Variants in CDH13 observed in about 807,000 individuals in gnomAD.
The protein encoded by CDH13 is cadherin 13.
Under a neutral mutation model 63.8 loss-of-function variants are expected in CDH13, and 24 were observed. That is an observed-to-expected ratio of 0.38 (90% CI 0.27 to 0.53). CDH13 has a LOEUF of 0.53. Ranked by LOEUF, CDH13 falls within the 20% of genes least tolerant of loss-of-function variation. The pLI is 0.85. For synonymous variants in CDH13, 503 were observed against 355.3 expected (o/e 1.42, Z -4.67); for missense variants, 1,049 against 903.1 (o/e 1.16, Z -2.07).
At chr16:83,595,472 A>T (rs1307331178) in intron 7 of CDH13, among the ~76,000 whole-genome samples, 4 of 152,234 alleles carry the variant, frequency 2.6e-5, no homozygotes, top group African/African-American at 7.2e-5. Flanking sequence ...AAAATGGGAC[A>T]CATAGCCTTC....
intron 2 of CDH13, among the ~76,000 whole-genome samples, chr16:82,919,401 C>A (rs1253246822): frequency 1.3e-5 from 2 of 152,084 alleles, no homozygotes; most frequent in East Asian, 1.9e-4. Flanking sequence ...CTGTTGTTTC[C>A]CCTTTGTGTC....
chr16:83,200,124 G>C (rs2038983220), intron 4 of CDH13, among the ~76,000 whole-genome samples: 1 of 152,132 alleles, frequency 6.6e-6, no homozygotes. Context: ...TCAAGCTTCA[G>C]ACTCAGAGTC....
chr16:83,776,940 C>G (rs529221351), intron 11 of CDH13, among the ~76,000 whole-genome samples: 1 of 131,064 alleles, frequency 7.6e-6, no homozygotes, highest in African/African-American at 3.1e-5. Context: ...CTAACTCAGC[C>G]TGGGCACTTC....
In CDH13 at chr16:82,929,182, T is replaced by G. The variant is rs1234645510; in HGVS notation, c.157+70709T>G. Among the ~76,000 whole-genome samples, 7 of 152,294 alleles carry G rather than the reference T, an allele frequency of 4.6e-5. No homozygotes were observed. The East Asian group carries it at 1.4e-3, about 29-fold the overall frequency. ...TATAGCATATATCATAGAAGGAATGTTTGTGCTCCCCAGAATTCATATTTT... is the reference window on the plus strand; with the variant it reads ...TATAGCATATATCATAGAAGGAATGGTTGTGCTCCCCAGAATTCATATTTT... On this transcript the variant is annotated intron_variant, in intron 2 of 13. Coordinates refer to ENST00000567109, the MANE Select transcript of CDH13 (RefSeq NM_001257.5).
chr16:82,829,151 T>C (rs2038405132), intron 1 of CDH13: 1 of 152,186 alleles, frequency 6.6e-6, no homozygotes, highest in South Asian at 2.1e-4. Context: ...TCATTCTGGG[T>C]TGGCAATATA....
chr16:82,758,240 C>T lies in CDH13; in HGVS notation c.46-100122C>T, dbSNP rs147572444. ...TGAGCTATGAGAAAAAAAAGGGACACGGGCTATGTTGAAGTAACAGGAATT... is the reference window on the plus strand; with the variant it reads ...TGAGCTATGAGAAAAAAAAGGGACATGGGCTATGTTGAAGTAACAGGAATT... On this transcript the variant is annotated intron_variant, in intron 1 of 13. Coordinates refer to ENST00000567109, the MANE Select transcript of CDH13 (RefSeq NM_001257.5). Among the ~76,000 whole-genome samples, 18 of 152,158 alleles carry T rather than the reference C, an allele frequency of 1.2e-4. 1 individual carries two copies. The highest frequency in any genetic ancestry group is 6.8e-3 in the Middle Eastern group (2 of 294).
At chr16:83,228,614 G>T (rs1029966217) in intron 5 of CDH13, among the ~76,000 whole-genome samples, 1 of 152,178 alleles carries the variant, frequency 6.6e-6, no homozygotes, top group Non-Finnish European at 1.5e-5. Context: ...AGACAGAGAC[G>T]CGGACGGGGC....
chr16:82,758,037 C>T (rs1203353246), intron 1 of CDH13, among the ~76,000 whole-genome samples: 3 of 152,056 alleles, frequency 2.0e-5, no homozygotes, highest in Non-Finnish European at 2.9e-5. Context: ...AATGGCTTTA[C>T]CTTTCAGGTT....
intron 1 of CDH13, among the ~76,000 whole-genome samples, chr16:82,812,190 C>T (rs576165774): frequency 5.3e-5 from 8 of 152,240 alleles, no homozygotes; most frequent in East Asian, 1.9e-4. Context: ...GGCCCCTCTT[C>T]GAAGGATCCT....
chr16:83,669,518 A>T (rs1278984312), intron 8 of CDH13, among the ~76,000 whole-genome samples: 1 of 152,184 alleles, frequency 6.6e-6, no homozygotes, highest in Non-Finnish European at 1.5e-5. Flanking sequence ...CAGCCTCAGT[A>T]TCCCTTCTCA....
At chr16:83,599,370 A>T (rs145922458) in intron 7 of CDH13, among the ~76,000 whole-genome samples, 370 of 152,346 alleles carry the variant, frequency 2.4e-3, no homozygotes, top group African/African-American at 8.5e-3. Context: ...TCAAAAGCTA[A>T]ACATTCTCGT....
At chr16:83,227,529 G>C (rs1427571061) in intron 5 of CDH13, among the ~76,000 whole-genome samples, 3 of 152,308 alleles carry the variant, frequency 2.0e-5, no homozygotes. Flanking sequence ...GTCATGCAAT[G>C]CTGGGAAGCC....
At chr16:83,126,461 C>T (rs531401279) in intron 4 of CDH13, among the ~76,000 whole-genome samples, 7 of 152,052 alleles carry the variant, frequency 4.6e-5, no homozygotes, top group East Asian at 3.9e-4. Flanking sequence ...ACGGCAAAGG[C>T]GGGAAGGGTA....
intron 2 of CDH13, among the ~76,000 whole-genome samples, chr16:82,948,774 G>C (rs780017178): frequency 3.3e-5 from 5 of 152,130 alleles, no homozygotes; most frequent in Middle Eastern, 3.4e-3. Context: ...CACACCAAAA[G>C]GTACCATATA....
intron 1 of CDH13, among the ~76,000 whole-genome samples, chr16:82,659,428 T>C (rs1037358234): frequency 6.6e-6 from 1 of 152,238 alleles, no homozygotes; most frequent in African/African-American, 2.4e-5. Flanking sequence ...GTCTAGGCAC[T>C]GTCTGCATGT....
chr16:83,406,622 C>T (rs146800564), intron 6 of CDH13, among the ~76,000 whole-genome samples: 22 of 152,246 alleles, frequency 1.4e-4, no homozygotes, highest in East Asian at 1.2e-3. Context: ...CATGCCACCA[C>T]GGCCAGCTAA....
chr16:83,760,170 A>G (rs1913849267), intron 11 of CDH13, among the ~76,000 whole-genome samples: 1 of 152,224 alleles, frequency 6.6e-6, no homozygotes. Context: ...GTACAGCAGC[A>G]TACCTATAAA....
At chr16:82,810,469 A>G (rs917332362) in intron 1 of CDH13, among the ~76,000 whole-genome samples, 3 of 152,164 alleles carry the variant, frequency 2.0e-5, no homozygotes, top group African/African-American at 4.8e-5. Flanking sequence ...AGAGGATCTC[A>G]AAGTGGAGGG....
chr16:82,719,447 T>C (rs1028925590), intron 1 of CDH13: 1 of 455,884 alleles, frequency 2.2e-6, no homozygotes, highest in Admixed American at 2.3e-5. Flanking sequence ...GTTTTCCCAC[T>C]TGCAGAAGGA....
Sources: gnomAD v4.1 joint callset for allele counts (sites outside exome capture counted in the v4.1 genomes callset) on GRCh38, gnomAD v4.1.1 for gene constraint, MANE v1.5 for transcripts, NCBI Gene and HGNC (gene_info 2026-07-23, HGNC 2026-07-21) for gene names.